The following VSTM5 variants were observed in gnomAD, a reference collection of about 807,000 sequenced individuals.
The protein encoded by VSTM5 is V-set and transmembrane domain-containing protein 5.
A neutral mutation model predicts 20.3 loss-of-function variants in VSTM5; 21 were observed. That is an observed-to-expected ratio of 1.03 (90% CI 0.73 to 1.49). The LOEUF is 1.49. VSTM5 is among the 40% of genes most tolerant of loss of function. VSTM5 has a pLI of 0.00. For synonymous variants in VSTM5, 100 were observed against 102.5 expected, an observed-to-expected ratio of 0.98 and a Z score of 0.14; for missense variants, 219 against 250.0, an observed-to-expected ratio of 0.88 and a Z score of 0.84.
At chr11:93,831,906 T>C (rs202088294) in intron 1 of VSTM5, among the ~76,000 whole-genome samples, 2 of 152,228 alleles carry the variant, frequency 1.3e-5, no homozygotes, top group East Asian at 3.8e-4. Flanking sequence ...TAACATTATG[T>C]TGTCAGGAGT....
chr11:93,822,244 GCTAA>G (rs1944193390), intron 1 of VSTM5, among the ~76,000 whole-genome samples: 1 of 151,918 alleles, frequency 6.6e-6, no homozygotes, highest in Non-Finnish European at 1.5e-5. Context: ...ACCACACCTG[GCTAA>G]CTTTTTGTAT....
intron 1 of VSTM5, among the ~76,000 whole-genome samples, chr11:93,836,322 C>G (rs1364700973): frequency 6.6e-6 from 1 of 152,226 alleles, no homozygotes; most frequent in East Asian, 1.9e-4. Context: ...TATTTTGTCA[C>G]CCTCCTGTTT....
chr11:93,848,945 T>C (rs1944435522), intron 1 of VSTM5, among the ~76,000 whole-genome samples: 1 of 152,162 alleles, frequency 6.6e-6, no homozygotes, highest in Non-Finnish European at 1.5e-5. Flanking sequence ...AACACACCCA[T>C]CCACCTGCTC....
At chr11:93,849,320 G>A (rs1039112803) in intron 1 of VSTM5, among the ~76,000 whole-genome samples, 1 of 152,070 alleles carries the variant, frequency 6.6e-6, no homozygotes, top group African/African-American at 2.4e-5. Context: ...ACCACACCCA[G>A]CTAATTTTTT....
intron 1 of VSTM5, among the ~76,000 whole-genome samples, chr11:93,849,793 G>A (rs781148519): frequency 6.6e-6 from 1 of 152,354 alleles, no homozygotes; most frequent in African/African-American, 2.4e-5. Context: ...TGGGGATTCC[G>A]GGTCCGGCCA....
intron 1 of VSTM5, among the ~76,000 whole-genome samples, chr11:93,829,230 C>T (rs1005455870): frequency 2.0e-5 from 3 of 152,174 alleles, no homozygotes; most frequent in African/African-American, 4.8e-5. Context: ...CCGTCATGGG[C>T]AAACCAACAG....
chr11:93,842,856 C>A (rs1311699820), intron 1 of VSTM5, among the ~76,000 whole-genome samples: 1 of 152,190 alleles, frequency 6.6e-6, no homozygotes. Context: ...AATCCCAGCA[C>A]TTTGGGAGGC....
chr11:93,827,775 G>A (rs1944251002), intron 1 of VSTM5: 2 of 150,512 alleles, frequency 1.3e-5, no homozygotes, highest in South Asian at 4.2e-4. Flanking sequence ...TAACAAGAAT[G>A]AGCTTTGTAT....
At chr11:93,846,958 G>C (rs1252212032) in intron 1 of VSTM5, among the ~76,000 whole-genome samples, 1 of 151,686 alleles carries the variant, frequency 6.6e-6, no homozygotes, top group African/African-American at 2.4e-5. Context: ...GTAGAGACGG[G>C]GTTTCACTGT....
At chr11:93,830,818 A>C (rs1180781186) in intron 1 of VSTM5, among the ~76,000 whole-genome samples, 1 of 147,534 alleles carries the variant, frequency 6.8e-6, no homozygotes, top group Non-Finnish European at 1.5e-5. Context: ...AGTGGGTGGG[A>C]TCTTGGCTCA....
At chr11:93,839,590 A>C (rs915267027) in intron 1 of VSTM5, among the ~76,000 whole-genome samples, 59 of 152,190 alleles carry the variant, frequency 3.9e-4, no homozygotes, top group African/African-American at 1.4e-3. Flanking sequence ...TTAAAAAGAA[A>C]TATTATCATA....
intron 1 of VSTM5, among the ~76,000 whole-genome samples, chr11:93,846,928 G>T (rs571317999): frequency 1.3e-5 from 2 of 151,660 alleles, no homozygotes; most frequent in Non-Finnish European, 2.9e-5. Context: ...CACCACGCCC[G>T]GCTAATTTTT....
At position 93,828,180 on chromosome 11, in the gene VSTM5, G is replaced by A. The variant is rs1215523058; in HGVS notation, c.92-6857C>T. 2.6e-4 allele frequency among the ~76,000 whole-genome samples: 39 copies of A among 152,212 alleles called. 1 individual carries two copies. Among genetic ancestry groups the A allele is most frequent in the Non-Finnish European group, 5.9e-5 (4 of 68,046 alleles). On this transcript the variant is annotated intron_variant, in intron 1 of 3. Transcript: ENST00000409977. ...TTGAATTATTTGTGAAAAGCAGAGAGGAACTAAATTTCTAGGCATTTCCAA... is the reference window on the plus strand; with the variant it reads ...TTGAATTATTTGTGAAAAGCAGAGAAGAACTAAATTTCTAGGCATTTCCAA...
intron 1 of VSTM5, among the ~76,000 whole-genome samples, chr11:93,840,640 G>T (rs931627278): frequency 2.0e-5 from 3 of 152,168 alleles, no homozygotes; most frequent in Admixed American, 2.0e-4. Flanking sequence ...GGAAGAACAG[G>T]CAGGCAAAGT....
chr11:93,843,433 G>A (rs1179746868), intron 1 of VSTM5, among the ~76,000 whole-genome samples: 1 of 152,004 alleles, frequency 6.6e-6, no homozygotes, highest in African/African-American at 2.4e-5. Context: ...CACAGTGCCT[G>A]GCACTGTGGA....
chr11:93,844,769 G>A lies in VSTM5; in HGVS notation c.91+5643C>T, dbSNP rs528864996. The stretch of plus-strand genomic sequence containing the variant: ...AACCGAGCTAACTGCCTTTCTCAGT[G>A]CCCCCAGGGCATCTGACAGCGAATC... On this transcript the variant is annotated intron_variant, in intron 1 of 3. Coordinates refer to ENST00000409977, the MANE Select transcript of VSTM5 (RefSeq NM_001144871.2). 1.6e-4 allele frequency among the ~76,000 whole-genome samples: 24 copies of A among 152,228 alleles called. No homozygotes were observed. The East Asian group carries it at 4.1e-3, about 26-fold the overall frequency.
At chr11:93,840,218 A>T (rs991105649) in intron 1 of VSTM5, among the ~76,000 whole-genome samples, 1 of 152,180 alleles carries the variant, frequency 6.6e-6, no homozygotes, top group Admixed American at 6.5e-5. Context: ...CAGTTTTCTG[A>T]TTGAAAAGGA....
rs548305652 is a variant in VSTM5, at chr11:93,830,690, C to T, written c.92-9367G>A. Reference sequence around the variant, plus strand: ...GAAGGCGCTGGAGGGACCCCTTTCCCAGCCCCAAGTCTGCTGAGAGTCAAA... The same window carrying T: ...GAAGGCGCTGGAGGGACCCCTTTCCTAGCCCCAAGTCTGCTGAGAGTCAAA... On this transcript the variant is annotated intron_variant, in intron 1 of 3. Transcript: ENST00000409977. Among the ~76,000 whole-genome samples, 33 of 152,114 alleles carry T rather than the reference C, an allele frequency of 2.2e-4. 1 individual carries two copies. In the East Asian group the frequency reaches 6.4e-3, roughly 29 times the overall value.
chr11:93,841,012 A>AAGGAACCTAAGGC (rs1284284914), intron 1 of VSTM5, among the ~76,000 whole-genome samples: 4,268 of 152,286 alleles, frequency 0.028, 204 homozygotes, highest in African/African-American at 0.098. Context: ...AGGCCAATTA[A>AAGGAACCTAAGGC]CAAAAACGCA....
Sources: allele counts gnomAD v4.1 joint callset (sites outside exome capture counted in the v4.1 genomes callset), GRCh38; gene constraint gnomAD v4.1.1; transcripts MANE v1.5; gene names NCBI Gene and HGNC (gene_info 2026-07-23, HGNC 2026-07-21).